The following DST variants were observed in gnomAD, a reference collection of about 807,000 sequenced individuals.
DST encodes the protein bullous pemphigoid antigen.
DST carries 253 observed loss-of-function variants against 875.2 expected under a neutral mutation model. The observed-to-expected ratio is 0.29, with a 90% CI of 0.26 to 0.32. The LOEUF is 0.32. DST is among the 10% of genes least tolerant of loss of function. The pLI, the probability that DST is intolerant of heterozygous loss-of-function variation, is 1.00. For missense variants in DST, 8,287 were observed against 9,111.6 expected (o/e 0.91, Z 3.68); for synonymous variants, 3,124 against 3,197.1 (o/e 0.98, Z 0.77).
rs1423508445 is a variant in DST, at chr6:56,501,677, G to A, written c.19583C>T (p.Ala6528Val). Residue 6528 changes from alanine to valine, a missense_variant, in exon 79 of 104, where the codon GCC (alanine) becomes GTC (valine). By Grantham distance (64) the Ala-to-Val change is moderately conservative. This residue lies in a region of DST where 1,292 missense variants were observed against 1,552.7 expected (regional missense o/e 0.83). Transcript: ENST00000680361. ...IEELKQFKSE[A>V]YQQQIEMERL... ...TTCCATTTCTATCTGCTGTTGATAG[G>A]CCTCAGACTTAAATTGCTATTTTAA... The A allele has an allele frequency of 6.3e-7, 1 of 1,594,556 alleles. No homozygotes were observed. Among genetic ancestry groups the A allele is most frequent in the Admixed American group, 1.8e-5 (1 of 56,426 alleles).
Position 56,603,722 on chromosome 6 carries a change from A to G in DST, c.10792-9T>C. On this transcript the variant is annotated splice_polypyrimidine_tract_variant and intron_variant, in intron 40 of 103. Coordinates refer to ENST00000680361, the MANE Select transcript of DST (RefSeq NM_001374736.1). The stretch of plus-strand genomic sequence containing the variant: ...TGTAATTCACTGGAAAACTAAAAAC[A>G]AAGTTGGACATTTTAATTCAATAAC... 6.3e-7 allele frequency: 1 copy of G among 1,591,286 alleles called. No homozygotes were observed. The highest frequency in any genetic ancestry group is 8.5e-7 in the Non-Finnish European group (1 of 1,171,634).
chr6:56,938,486 T>C (rs546387522), intron 2 of DST, among the ~76,000 whole-genome samples: 3 of 151,764 alleles, frequency 2.0e-5, no homozygotes, highest in Admixed American at 6.6e-5. Flanking sequence ...TCCATACATA[T>C]GAAAGCCAAG....
intron 4 of DST, among the ~76,000 whole-genome samples, chr6:56,766,667 A>T (rs1012886641): frequency 3.9e-5 from 6 of 151,986 alleles, no homozygotes; most frequent in Non-Finnish European, 7.4e-5. Flanking sequence ...AGTAGCTGGG[A>T]TTACAGGCAC....
intron 2 of DST, among the ~76,000 whole-genome samples, chr6:56,910,204 T>G (rs116238125): frequency 0.012 from 1,875 of 152,346 alleles, 35 homozygotes; most frequent in East Asian, 0.039. Flanking sequence ...TCTCGCTCAG[T>G]TGCCCAGGCT....
intron 3 of DST, among the ~76,000 whole-genome samples, chr6:56,868,361 C>G (rs1775270942): frequency 6.6e-6 from 1 of 152,072 alleles, no homozygotes; most frequent in African/African-American, 2.4e-5. Context: ...CTAAATTGTC[C>G]ACAAATCCAT....
chr6:56,604,015 T>C lies in DST; in HGVS notation c.10613A>G (p.Asn3538Ser). ...ILGDIKSKEG[N>S]YYSPNLETVK... ...AGTTTCTAAATTAGGAGAATAGTAG[T>C]TTCCTTCTTTGCTTTTAATATCACC... is the stretch of plus-strand genomic sequence containing the variant. Residue 3538 changes from asparagine to serine, a missense_variant, in exon 40 of 104, where the codon AAC (asparagine) becomes AGC (serine). Transcript: ENST00000680361. The C allele has an allele frequency of 6.3e-7, 1 of 1,598,862 alleles. No individual in the cohort carries two copies. The highest frequency in any genetic ancestry group is 8.5e-7 in the Non-Finnish European group (1 of 1,171,304).
At chr6:56,911,281 T>G (rs1197151127) in intron 2 of DST, among the ~76,000 whole-genome samples, 1 of 152,224 alleles carries the variant, frequency 6.6e-6, no homozygotes, top group African/African-American at 2.4e-5. Context: ...GAAATCCTAT[T>G]AAAATGCAGA....
chr6:56,797,637 G>A (rs2099741560), intron 4 of DST, among the ~76,000 whole-genome samples: 1 of 152,050 alleles, frequency 6.6e-6, no homozygotes, highest in African/African-American at 2.4e-5. Context: ...AGGCCAACAT[G>A]GCAAAACCCT....
At chr6:56,693,202 GCTTA>G (rs1230793646) in intron 9 of DST, 1 of 1,228,250 alleles carries the variant, frequency 8.1e-7, no homozygotes, top group African/African-American at 1.6e-5. Flanking sequence ...AAAATCCAGA[GCTTA>G]CTTAGATCCT....
chr6:56,657,339 G>A (rs2099014243), intron 10 of DST, among the ~76,000 whole-genome samples: 1 of 152,066 alleles, frequency 6.6e-6, no homozygotes, highest in African/African-American at 2.4e-5. Flanking sequence ...TAGCAAGGAG[G>A]GAGGGTGGGC....
chr6:56,803,898 T>C (rs114965871), intron 4 of DST, among the ~76,000 whole-genome samples: 1,603 of 152,276 alleles, frequency 0.011, 32 homozygotes, highest in African/African-American at 0.036. Flanking sequence ...GGAAGATTTG[T>C]GTTAGAAATG....
chr6:56,559,432 AAT>A (rs1345203754), intron 58 of DST, among the ~76,000 whole-genome samples: 1 of 152,122 alleles, frequency 6.6e-6, no homozygotes, highest in African/African-American at 2.4e-5. Flanking sequence ...TTCAAACTAA[AAT>A]ATACTTAGAG....
At chr6:56,615,945 G>A in intron 36 of DST, 1 of 1,614,186 alleles carries the variant, frequency 6.2e-7, no homozygotes, top group Non-Finnish European at 8.5e-7. Context: ...TCATCAACCA[G>A]GCCTCTATGC....
At chr6:56,883,080 C>G (rs1782985072) in intron 3 of DST, among the ~76,000 whole-genome samples, 1 of 152,170 alleles carries the variant, frequency 6.6e-6, no homozygotes, top group Admixed American at 6.5e-5. Context: ...GTTGGCCAGG[C>G]TGGTCTCAAA....
Position 56,462,901 on chromosome 6 carries a change from C to T in DST, c.23070+145G>A, listed in dbSNP as rs79770432. 9,430 of 461,720 alleles carry T rather than the reference C, an allele frequency of 0.02. 135 individuals carry two copies. Among genetic ancestry groups the T allele is most frequent in the Non-Finnish European group, 0.028 (7,232 of 258,230 alleles). 28.6% of individuals were successfully genotyped at this position (461,720 alleles called of 1,614,324 possible). A position where few individuals can be genotyped will look rare whatever the true frequency, so the allele number is the denominator to read the frequency against. ...ACTCTCACATCTTCCAAGAACTGCTCGGTTGATACTTATCTTATAGAAGTG... is the reference window on the plus strand; with the variant it reads ...ACTCTCACATCTTCCAAGAACTGCTTGGTTGATACTTATCTTATAGAAGTG... On this transcript the variant is annotated intron_variant, in intron 102 of 103. Transcript: ENST00000680361.
At chr6:56,475,815 G>A (rs150998098) in intron 92 of DST, among the ~76,000 whole-genome samples, 8 of 152,202 alleles carry the variant, frequency 5.3e-5, no homozygotes, top group Non-Finnish European at 1.0e-4. Flanking sequence ...AGAGGGAACA[G>A]AGTGAGAGAA....
intron 90 of DST, among the ~76,000 whole-genome samples, chr6:56,479,650 A>C (rs895615827): frequency 5.3e-5 from 8 of 152,356 alleles, no homozygotes; most frequent in African/African-American, 1.9e-4. Context: ...GCTGGAAGGC[A>C]TTACCCTAAG....
intron 4 of DST, among the ~76,000 whole-genome samples, chr6:56,806,661 G>T (rs576960329): frequency 6.6e-6 from 1 of 152,284 alleles, no homozygotes; most frequent in East Asian, 1.9e-4. Flanking sequence ...ATAACTATTT[G>T]GCAGAGGTGG....
chr6:56,814,030 G>A (rs1022576691), intron 4 of DST, among the ~76,000 whole-genome samples: 5 of 152,058 alleles, frequency 3.3e-5, no homozygotes, highest in Non-Finnish European at 5.9e-5. Flanking sequence ...AAATTACTAA[G>A]TCTATACATG....
Sources: allele counts gnomAD v4.1 joint callset (sites outside exome capture counted in the v4.1 genomes callset), GRCh38; gene constraint gnomAD v4.1.1; regional missense constraint gnomAD v4.1.1; transcripts MANE v1.5; gene names NCBI Gene and HGNC (gene_info 2026-07-23, HGNC 2026-07-21).